CNTNAP2: variants seen among roughly 807,000 people sequenced by gnomAD.
CNTNAP2 encodes the protein contactin associated protein 2, also known as contactin-associated protein-like 2.
A neutral mutation model predicts 155.2 loss-of-function variants in CNTNAP2; 98 were observed. The observed-to-expected ratio is 0.63, with a 90% CI of 0.54 to 0.75. The LOEUF is 0.75. Ranked by LOEUF, CNTNAP2 falls within the 30% of genes least tolerant of loss-of-function variation. The pLI, the probability that CNTNAP2 is intolerant of heterozygous loss-of-function variation, is 0.00. For synonymous variants in CNTNAP2, 651 were observed against 631.2 expected (o/e 1.03, Z -0.47); for missense variants, 1,727 against 1,688.1 (o/e 1.02, Z -0.40).
chr7:146,694,366 T>C (rs1332499566), intron 1 of CNTNAP2, among the ~76,000 whole-genome samples: 1 of 152,236 alleles, frequency 6.6e-6, no homozygotes. Context: ...AAAGACTACT[T>C]TTTCCATTGA....
intron 3 of CNTNAP2, among the ~76,000 whole-genome samples, chr7:146,974,888 A>C (rs1466449917): frequency 6.6e-6 from 1 of 152,058 alleles, no homozygotes; most frequent in Non-Finnish European, 1.5e-5. Context: ...AATCCCAGCT[A>C]CCTGGATGAG....
At chr7:146,949,619 A>G (rs1203167498) in intron 3 of CNTNAP2, among the ~76,000 whole-genome samples, 2 of 152,178 alleles carry the variant, frequency 1.3e-5, no homozygotes, top group Admixed American at 1.3e-4. Context: ...TTCTGGGAAG[A>G]AATCTAAATT....
At chr7:147,101,868 C>T (rs142882421) in intron 4 of CNTNAP2, among the ~76,000 whole-genome samples, 349 of 152,212 alleles carry the variant, frequency 2.3e-3, no homozygotes, top group Non-Finnish European at 3.9e-3. Context: ...GGGAGCACGG[C>T]AGGCCAGGGT....
chr7:146,615,573 AAC>A (rs1229417634), intron 1 of CNTNAP2, among the ~76,000 whole-genome samples: 3 of 152,222 alleles, frequency 2.0e-5, no homozygotes, highest in East Asian at 1.9e-4. Context: ...ATATCTCATC[AAC>A]ACACATCACT....
chr7:146,958,107 G>A (rs1328261434), intron 3 of CNTNAP2, among the ~76,000 whole-genome samples: 1 of 152,088 alleles, frequency 6.6e-6, no homozygotes, highest in African/African-American at 2.4e-5. Flanking sequence ...GAATTAGGGA[G>A]GGACAAGAAA....
intron 3 of CNTNAP2, among the ~76,000 whole-genome samples, chr7:146,865,480 C>A (rs186884082): frequency 4.6e-5 from 7 of 151,968 alleles, no homozygotes; most frequent in Admixed American, 1.3e-4. Flanking sequence ...AAAATTGAGT[C>A]CACAAATAGA....
chr7:147,682,697 C>T (rs1472528025), intron 13 of CNTNAP2, among the ~76,000 whole-genome samples: 2 of 151,948 alleles, frequency 1.3e-5, no homozygotes, highest in East Asian at 3.9e-4. Context: ...TATTGCTGAT[C>T]ATCCAGGGAC....
chr7:147,482,562 C>T (rs1798439860), intron 10 of CNTNAP2, among the ~76,000 whole-genome samples: 1 of 151,466 alleles, frequency 6.6e-6, no homozygotes, highest in South Asian at 2.1e-4. Context: ...ACAAAAAATA[C>T]AAAAAAATAT....
chr7:146,491,682 G>T (rs1373091459), intron 1 of CNTNAP2, among the ~76,000 whole-genome samples: 2 of 152,118 alleles, frequency 1.3e-5, no homozygotes, highest in Non-Finnish European at 2.9e-5. Flanking sequence ...ACCCAGTGCT[G>T]TTAGTGAATC....
intron 1 of CNTNAP2, among the ~76,000 whole-genome samples, chr7:146,711,318 GTATAA>G (rs924762382): frequency 1.4e-5 from 2 of 144,924 alleles, no homozygotes; most frequent in Non-Finnish European, 3.0e-5. Flanking sequence ...TATTATATGT[GTATAA>G]TATATGTACA....
At chr7:147,542,560 A>G (rs1249370964) in intron 11 of CNTNAP2, among the ~76,000 whole-genome samples, 1 of 152,180 alleles carries the variant, frequency 6.6e-6, no homozygotes, top group Non-Finnish European at 1.5e-5. Context: ...TGTAGGGCAT[A>G]TATGTTCACA....
intron 16 of CNTNAP2, among the ~76,000 whole-genome samples, chr7:148,127,001 T>C (rs1804729636): frequency 6.6e-6 from 1 of 152,132 alleles, no homozygotes; most frequent in Non-Finnish European, 1.5e-5. Flanking sequence ...TATTTTTGTT[T>C]AACAATTTAA....
chr7:146,779,405 A>G (rs1213064267), intron 2 of CNTNAP2, among the ~76,000 whole-genome samples: 1 of 152,210 alleles, frequency 6.6e-6, no homozygotes, highest in African/African-American at 2.4e-5. Flanking sequence ...AGAGGGACAC[A>G]AATCCATATC....
chr7:148,388,831 T>C (rs572153600), intron 22 of CNTNAP2, among the ~76,000 whole-genome samples: 5 of 152,276 alleles, frequency 3.3e-5, no homozygotes, highest in South Asian at 2.1e-4. Flanking sequence ...TCTGCAGCGG[T>C]GTTTGCAGAA....
intron 13 of CNTNAP2, among the ~76,000 whole-genome samples, chr7:147,665,495 G>C (rs1197719593): frequency 6.6e-6 from 1 of 152,146 alleles, no homozygotes; most frequent in Non-Finnish European, 1.5e-5. Flanking sequence ...TAAGTTTAGG[G>C]ATACAAGGGC....
intron 8 of CNTNAP2, among the ~76,000 whole-genome samples, chr7:147,154,889 C>A (rs1801893354): frequency 6.6e-6 from 1 of 151,830 alleles, no homozygotes. Context: ...GTCTTCGATT[C>A]ATTATATATT....
chr7:146,551,320 G>A (rs563404810), intron 1 of CNTNAP2, among the ~76,000 whole-genome samples: 5 of 152,118 alleles, frequency 3.3e-5, no homozygotes, highest in African/African-American at 1.2e-4. Context: ...CCCAGTGTGT[G>A]ATGTTCCCCT....
intron 3 of CNTNAP2, among the ~76,000 whole-genome samples, chr7:146,968,021 C>G (rs13247431): frequency 0.14 from 15,081 of 111,524 alleles, 1,307 homozygotes; most frequent in Middle Eastern, 0.19. Flanking sequence ...TAGCATGAAG[C>G]GGTGTTGAAT....
chr7:147,901,860 T>G (rs1799874322), intron 13 of CNTNAP2, among the ~76,000 whole-genome samples: 1 of 152,214 alleles, frequency 6.6e-6, no homozygotes. Context: ...GATGATTGGA[T>G]GAATGAATGA....
Sources: gnomAD v4.1 joint callset for allele counts (sites outside exome capture counted in the v4.1 genomes callset) on GRCh38, gnomAD v4.1.1 for gene constraint, MANE v1.5 for transcripts, NCBI Gene and HGNC (gene_info 2026-07-23, HGNC 2026-07-21) for gene names.